Variants in GALNT6 observed in about 807,000 individuals in gnomAD.
GALNT6 encodes polypeptide N-acetylgalactosaminyltransferase 6.
GALNT6 carries 51 observed loss-of-function variants against 65.9 expected under a neutral mutation model. The observed-to-expected ratio is 0.77, with a 90% CI of 0.62 to 0.98. The LOEUF is 0.98. Ranked by LOEUF, GALNT6 falls within the 50% of genes least tolerant of loss-of-function variation. The pLI, the probability that GALNT6 is intolerant of heterozygous loss-of-function variation, is 0.00. For missense variants in GALNT6, 708 were observed against 803.3 expected, an observed-to-expected ratio of 0.88 and a Z score of 1.43; for synonymous variants, 323 against 315.1, an observed-to-expected ratio of 1.02 and a Z score of -0.26.
chr12:51,352,524 GT>G lies in GALNT6; in HGVS notation c.*1854del, dbSNP rs1336886535. Reference sequence around the variant, plus strand: ...CTCTCAATTTCACTCATGCTACTTTGTTTTTTTAATCTACCTTTTATATGGG... The same window carrying G: ...CTCTCAATTTCACTCATGCTACTTTGTTTTTTAATCTACCTTTTATATGGG... On this transcript the variant is annotated 3_prime_UTR_variant, in exon 12 of 12. Transcript: ENST00000356317. 5 of 152,074 alleles carry G rather than the reference GT, an allele frequency of 3.3e-5. No individual in the cohort carries two copies. Among genetic ancestry groups the G allele is most frequent in the Admixed American group, 6.6e-5 (1 of 15,258 alleles). The allele number at this position is 152,074 out of a possible 1,614,324, so 9.4% of individuals were successfully genotyped here. A position where few individuals can be genotyped will look rare whatever the true frequency, so the allele number is the denominator to read the frequency against.
At position 51,352,062 on chromosome 12, in the gene GALNT6, T is replaced by C. The variant is rs762790434; in HGVS notation, c.*2317A>G. 1 of 152,222 alleles carries C rather than the reference T, an allele frequency of 6.6e-6. No homozygotes were observed. The highest frequency in any genetic ancestry group is 2.4e-5 in the African/African-American group (1 of 41,438). 9.4% of individuals were successfully genotyped at this position (152,222 alleles called of 1,614,324 possible). ...GTAGGCGGCCTCCCGCAGGGTTGAG[T>C]TGCAATGGGAACAAAGACAGCTGTG... On this transcript the variant is annotated 3_prime_UTR_variant, in exon 12 of 12. Transcript: ENST00000356317.
rs182289503 is a variant in GALNT6 at position 51,371,185 on chromosome 12, G to A, written c.665-5606C>T. On this transcript the variant is annotated intron_variant, in intron 4 of 11. Coordinates refer to ENST00000356317, the MANE Select transcript of GALNT6 (RefSeq NM_007210.4). ...TGCAACCTCCGCCTCCGGGGTTCAAGCAATTCTTCTGCCTCAGCCTCCTGA... is the reference window on the plus strand; with the variant it reads ...TGCAACCTCCGCCTCCGGGGTTCAAACAATTCTTCTGCCTCAGCCTCCTGA... Among the ~76,000 whole-genome samples, 506 of 151,982 alleles carry A rather than the reference G, an allele frequency of 3.3e-3. 3 individuals are homozygous for A. The highest frequency in any genetic ancestry group is 0.012 in the African/African-American group (481 of 41,448).
intron 4 of GALNT6, among the ~76,000 whole-genome samples, chr12:51,369,208 G>A (rs1191697957): frequency 6.6e-6 from 1 of 152,182 alleles, no homozygotes; most frequent in Non-Finnish European, 1.5e-5. Flanking sequence ...CCTCAGGGGG[G>A]GCCCCGAGCA....
At chr12:51,362,555 T>C (rs1346419465) in intron 6 of GALNT6, among the ~76,000 whole-genome samples, 3 of 151,808 alleles carry the variant, frequency 2.0e-5, no homozygotes, top group African/African-American at 7.3e-5. Flanking sequence ...CCCTTGGACA[T>C]TGAAGCCTGC....
At chr12:51,361,025 A>G (rs1482930589) in intron 6 of GALNT6, among the ~76,000 whole-genome samples, 187 bp from the exon 7 acceptor site, 4 of 152,114 alleles carry the variant, frequency 2.6e-5, no homozygotes, top group African/African-American at 9.7e-5. Context: ...TTCCCCTTCT[A>G]GGACCAGGTC....
intron 3 of GALNT6, 72 bp downstream of exon 3, chr12:51,379,219 T>A (rs567409222): frequency 4.2e-6 from 6 of 1,444,968 alleles, no homozygotes; most frequent in African/African-American, 2.8e-5. Flanking sequence ...CCTTGATCTA[T>A]GGCCCTGGCC....
chr12:51,388,178 G>C (rs1483855440), intron 2 of GALNT6, among the ~76,000 whole-genome samples: 1 of 152,122 alleles, frequency 6.6e-6, no homozygotes, highest in African/African-American at 2.4e-5. Context: ...CCCTGCCTCC[G>C]GGTTCCTCAC....
chr12:51,391,662 A>T (rs1380647555), upstream of GALNT6: 1 of 152,108 alleles, frequency 6.6e-6, no homozygotes, highest in Non-Finnish European at 1.5e-5. Context: ...TCCCCACCGG[A>T]CGGCCGGGAG....
chr12:51,384,976 T>C (rs1275130034), intron 2 of GALNT6, among the ~76,000 whole-genome samples: 1 of 151,806 alleles, frequency 6.6e-6, no homozygotes, highest in Non-Finnish European at 1.5e-5. Context: ...CACAGGCAAG[T>C]ATTCGTTTTT....
Position 51,375,403 on chromosome 12 carries a change from T to C in GALNT6, c.664+1792A>G, listed in dbSNP as rs188973445. 1.2e-3 allele frequency among the ~76,000 whole-genome samples: 176 copies of C among 152,318 alleles called. 1 individual carries two copies. The highest frequency in any genetic ancestry group is 4.1e-4 in the South Asian group (2 of 4,828). The stretch of plus-strand genomic sequence containing the variant: ...CACGCCAGGCAGAAATGGCACCTCC[T>C]GGCTACATACTCCATGGTGCATTGT... On this transcript the variant is annotated intron_variant, in intron 4 of 11. Coordinates refer to ENST00000356317, the MANE Select transcript of GALNT6 (RefSeq NM_007210.4).
chr12:51,386,629 G>A (rs997776368), intron 2 of GALNT6, among the ~76,000 whole-genome samples: 3 of 152,170 alleles, frequency 2.0e-5, no homozygotes, highest in African/African-American at 4.8e-5. Context: ...TTACTCAGAG[G>A]AGGGCTCAAT....
At chr12:51,374,508 G>A (rs1054866370) in intron 4 of GALNT6, among the ~76,000 whole-genome samples, 2 of 152,134 alleles carry the variant, frequency 1.3e-5, no homozygotes, top group Non-Finnish European at 2.9e-5. Flanking sequence ...CCTCTTTTCA[G>A]CATCACCCCT....
chr12:51,370,371 CCT>C (rs1416046236), intron 4 of GALNT6, among the ~76,000 whole-genome samples: 2 of 152,064 alleles, frequency 1.3e-5, no homozygotes, highest in East Asian at 3.9e-4. Context: ...ACGGAGAAAC[CCT>C]GTCTCTACTA....
At chr12:51,381,826 G>A (rs1324757621) in intron 2 of GALNT6, among the ~76,000 whole-genome samples, 1 of 152,252 alleles carries the variant, frequency 6.6e-6, no homozygotes, top group African/African-American at 2.4e-5. Flanking sequence ...CTATTATTAT[G>A]ATAAATCCCT....
In GALNT6 at chr12:51,379,694, C is replaced by T. The variant is rs866473693; in HGVS notation, c.88G>A (p.Asp30Asn). Residue 30 changes from aspartate (D) to asparagine (N), a missense_variant, in exon 3 of 12, where the codon GAT becomes AAT. Asp to Asn is a conservative substitution (Grantham distance 23). Transcript: ENST00000356317. ...FVLFLFLLHR[D>N]VSSREEATEK... ...GTGGCCTCCTCTCTGCTGCTCACAT[C>T]CCTATGCAGGAGGAAGAGGAAGAGC... is the stretch of plus-strand genomic sequence containing the variant. 3.7e-6 allele frequency: 6 copies of T among 1,614,130 alleles called. No individual in the cohort carries two copies. Among genetic ancestry groups the T allele is most frequent in the Non-Finnish European group, 5.1e-6 (6 of 1,179,984 alleles).
At chr12:51,385,543 A>C (rs1005716970) in intron 2 of GALNT6, among the ~76,000 whole-genome samples, 1 of 152,154 alleles carries the variant, frequency 6.6e-6, no homozygotes, top group Admixed American at 6.5e-5. Context: ...GTCTCGCTAT[A>C]AAGTATATTT....
intron 2 of GALNT6, among the ~76,000 whole-genome samples, chr12:51,384,377 A>G (rs961725308): frequency 2.0e-5 from 3 of 152,244 alleles, no homozygotes; most frequent in Non-Finnish European, 4.4e-5. Context: ...GTTGCAAATT[A>G]GCATTCAAAA....
chr12:51,354,612 G>T, intron 11 of GALNT6, 120 bp from the exon 12 acceptor site: 1 of 620,198 alleles, frequency 1.6e-6, no homozygotes, highest in Non-Finnish European at 2.8e-6. Context: ...GCACAAAGAG[G>T]ACACTTCCCC....
chr12:51,375,560 C>CT (rs57034265), intron 4 of GALNT6, among the ~76,000 whole-genome samples: 2,124 of 142,578 alleles, frequency 0.015, 54 homozygotes, highest in East Asian at 0.12. Flanking sequence ...CTCAACTGCT[C>CT]TTTTTTTTTT....
Sources: allele counts gnomAD v4.1 joint callset (sites outside exome capture counted in the v4.1 genomes callset), GRCh38; gene constraint gnomAD v4.1.1; transcripts MANE v1.5; gene names NCBI Gene and HGNC (gene_info 2026-07-23, HGNC 2026-07-21).